Variants in GLB1 observed in about 807,000 individuals in gnomAD.
The protein encoded by GLB1 is beta-galactosidase.
Under a neutral mutation model 74.0 loss-of-function variants are expected in GLB1, and 56 were observed. The ratio of observed to expected loss-of-function variants is 0.76; its 90% CI spans 0.61 to 0.94. GLB1 has a LOEUF of 0.94. Among genes scored for constraint, GLB1 ranks in the 40% least tolerant of loss-of-function variants. GLB1 has a pLI of 0.00. For missense variants in GLB1, 787 were observed against 845.5 expected, an observed-to-expected ratio of 0.93 and a Z score of 0.86; for synonymous variants, 323 against 323.6, an observed-to-expected ratio of 1.00 and a Z score of 0.02.
rs140285106 is a variant in GLB1, at chr3:33,089,484, A to G, written c.75+7527T>C. On this transcript the variant is annotated intron_variant, in intron 1 of 15. Coordinates refer to ENST00000307363, the MANE Select transcript of GLB1 (RefSeq NM_000404.4). ...GACTTGAATAGACATTTCTCCAAAG[A>G]AGGTATACAGGTGGCCAACAAGCCC... 9.5e-4 allele frequency among the ~76,000 whole-genome samples: 145 copies of G among 152,354 alleles called. No homozygotes were observed. The East Asian group carries it at 0.019, about 20-fold the overall frequency.
intron 5 of GLB1, among the ~76,000 whole-genome samples, chr3:33,062,446 G>T (rs1402118074): frequency 6.6e-6 from 1 of 152,194 alleles, no homozygotes; most frequent in African/African-American, 2.4e-5. Context: ...GGGATTACGG[G>T]CATTGAGCCA....
At chr3:33,025,388 T>C (rs1405930133) in intron 10 of GLB1, among the ~76,000 whole-genome samples, 3 of 152,242 alleles carry the variant, frequency 2.0e-5, no homozygotes, top group African/African-American at 7.2e-5. Context: ...CATGTATGTA[T>C]ACAATTATGG....
chr3:33,092,339 C>T (rs1700799288), intron 1 of GLB1: 1 of 987,494 alleles, frequency 1.0e-6, no homozygotes, highest in Non-Finnish European at 1.2e-6. Flanking sequence ...GCCCTTCCAT[C>T]TTGCCTGTTC....
chr3:32,994,287 C>T (rs1696269366), downstream of GLB1, among the ~76,000 whole-genome samples: 1 of 152,190 alleles, frequency 6.6e-6, no homozygotes, highest in Non-Finnish European at 1.5e-5. Flanking sequence ...TGGAACAAAC[C>T]TCACGGTATG....
At chr3:33,065,619 C>T in intron 4 of GLB1, 62 bp from the exon 5 acceptor site, 8 of 1,529,094 alleles carry the variant, frequency 5.2e-6, no homozygotes, top group Non-Finnish European at 7.1e-6. Flanking sequence ...CCACATGCAG[C>T]CCAGGATGGC....
intron 6 of GLB1, 84 bp downstream of exon 6, chr3:33,058,005 C>T: frequency 1.3e-6 from 2 of 1,551,902 alleles, no homozygotes; most frequent in Non-Finnish European, 1.8e-6. Flanking sequence ...CTGCCCATGA[C>T]ACTTATAACA....
intron 10 of GLB1, chr3:33,030,849 T>TA (rs1697974214): frequency 3.0e-6 from 3 of 984,234 alleles, no homozygotes; most frequent in South Asian, 4.7e-5. Context: ...AAATGGGTCT[T>TA]AAGTTGATTT....
At chr3:33,095,992 A>G (rs762137088) in intron 1 of GLB1, among the ~76,000 whole-genome samples, 16 of 152,292 alleles carry the variant, frequency 1.1e-4, no homozygotes, top group Non-Finnish European at 2.1e-4. Context: ...CCAAATACTT[A>G]AGATGTTCAA....
intron 9 of GLB1, among the ~76,000 whole-genome samples, chr3:33,050,354 A>G (rs1698924275): frequency 6.6e-6 from 1 of 152,256 alleles, no homozygotes; most frequent in South Asian, 2.1e-4. Context: ...TCAATGTTCA[A>G]AGCAACACTA....
intron 1 of GLB1, chr3:33,096,619 G>C (rs1031123402): frequency 9.4e-7 from 1 of 1,065,134 alleles, no homozygotes; most frequent in African/African-American, 1.7e-5. Flanking sequence ...CACCAACTGG[G>C]AAAGCGAGGG....
rs1040461155 is a variant in GLB1 at position 33,093,656 on chromosome 3, C to T, written c.75+3355G>A. 1.9e-6 allele frequency: 3 copies of T among 1,614,200 alleles called. No homozygotes were observed. The highest frequency in any genetic ancestry group is 2.5e-6 in the Non-Finnish European group (3 of 1,180,044). ...CCGGGGGCTGCGCGGCATTCAGAAT[C>T]CCGGCCACGCTGAGCACAGCAGTCA... On this transcript the variant is annotated intron_variant, in intron 1 of 15. Coordinates refer to ENST00000307363, the MANE Select transcript of GLB1 (RefSeq NM_000404.4). The surrounding 1 kb of genome is among the most constrained non-coding windows in gnomAD (Gnocchi z 6.0).
the GLB1 span, among the ~76,000 whole-genome samples, chr3:32,984,241 G>A: frequency 1.3e-5 from 2 of 151,914 alleles, no homozygotes; most frequent in Non-Finnish European, 2.9e-5. Flanking sequence ...CAGCATCAAG[G>A]TACTTGTCCC....
rs11711396 is a variant in GLB1 at position 33,091,264 on chromosome 3, C to T, written c.75+5747G>A. On this transcript the variant is annotated intron_variant, in intron 1 of 15. Transcript: ENST00000307363. ...GCATGGTATGGCCCACTGTCAATACCGTGGCTGCCTGGGAACAAAAAGGGT... is the reference window on the plus strand; with the variant it reads ...GCATGGTATGGCCCACTGTCAATACTGTGGCTGCCTGGGAACAAAAAGGGT... The T allele has an allele frequency of 4.9e-4, 484 of 985,452 alleles. 4 individuals are homozygous for T. In the African/African-American group the frequency reaches 7.9e-3, roughly 16 times the overall value. 61.0% of individuals were successfully genotyped at this position (985,452 alleles called of 1,614,324 possible). A position where few individuals can be genotyped will look rare whatever the true frequency, so the allele number is the denominator to read the frequency against.
In GLB1 at chr3:33,037,562, C is replaced by T. The variant is rs9841000; in HGVS notation, c.1068+8558G>A. On this transcript the variant is annotated intron_variant, in intron 10 of 15. Coordinates refer to ENST00000307363, the MANE Select transcript of GLB1 (RefSeq NM_000404.4). ...GCTGATAGAAGACACCCAAACTAAA[C>T]ATGGAACAGTAACTCTTACCTAGAA... 9.5e-3 allele frequency among the ~76,000 whole-genome samples: 1,449 copies of T among 152,238 alleles called. 37 individuals carry two copies. Among genetic ancestry groups the T allele is most frequent in the African/African-American group, 0.033 (1,372 of 41,546 alleles).
At chr3:33,018,784 T>TG (rs1697351019) in intron 12 of GLB1, among the ~76,000 whole-genome samples, 2 of 152,200 alleles carry the variant, frequency 1.3e-5, no homozygotes, top group Non-Finnish European at 1.5e-5. Flanking sequence ...GAACAGTGTC[T>TG]TATCAAGCAT....
intron 10 of GLB1, among the ~76,000 whole-genome samples, chr3:33,043,644 A>G (rs1698593563): frequency 6.6e-6 from 1 of 152,130 alleles, no homozygotes; most frequent in Admixed American, 6.6e-5. Context: ...ATGAGAATGT[A>G]TAAATATATC....
chr3:33,075,462 T>C (rs1700071910), intron 1 of GLB1, among the ~76,000 whole-genome samples: 1 of 152,132 alleles, frequency 6.6e-6, no homozygotes, highest in African/African-American at 2.4e-5. Flanking sequence ...TCTAAATATC[T>C]CCCTACCATC....
chr3:33,009,153 AT>A (rs61077066), intron 15 of GLB1, among the ~76,000 whole-genome samples: 4 of 132,236 alleles, frequency 3.0e-5, no homozygotes, highest in South Asian at 3.0e-4. Context: ...AAATAAATAA[AT>A]AAAAAAGATT....
At chr3:33,061,889 C>G (rs1699458670) in intron 5 of GLB1, among the ~76,000 whole-genome samples, 1 of 152,202 alleles carries the variant, frequency 6.6e-6, no homozygotes. Flanking sequence ...AGAGAAACAT[C>G]TGCATATCTG....
Sources: allele counts gnomAD v4.1 joint callset (sites outside exome capture counted in the v4.1 genomes callset), GRCh38; gene constraint gnomAD v4.1.1; non-coding constraint Gnocchi (gnomAD v3.1); transcripts MANE v1.5; gene names NCBI Gene and HGNC (gene_info 2026-07-23, HGNC 2026-07-21).